Variants in MARCHF1 observed in about 807,000 individuals in gnomAD.
MARCHF1 encodes E3 ubiquitin-protein ligase MARCHF1.
Under a neutral mutation model 54.2 loss-of-function variants are expected in MARCHF1, and 40 were observed. That is an observed-to-expected ratio of 0.74 (90% CI 0.57 to 0.96). The LOEUF is 0.96. MARCHF1 is among the 40% of genes least tolerant of loss of function. The pLI is 0.00. For synonymous variants in MARCHF1, 236 were observed against 236.3 expected, an observed-to-expected ratio of 1.00 and a Z score of 0.01; for missense variants, 586 against 656.5, an observed-to-expected ratio of 0.89 and a Z score of 1.17.
chr4:163,867,495 T>C (rs776925612), intron 3 of MARCHF1, among the ~76,000 whole-genome samples: 30 of 151,562 alleles, frequency 2.0e-4, no homozygotes, highest in Non-Finnish European at 3.0e-5. Context: ...AATAAACTTA[T>C]TATATATAAT....
chr4:163,544,562 C>T (rs1204956322), intron 9 of MARCHF1, among the ~76,000 whole-genome samples: 1 of 152,144 alleles, frequency 6.6e-6, no homozygotes, highest in African/African-American at 2.4e-5. Context: ...GGGCGGTGCA[C>T]GCTGGCGTGT....
intron 3 of MARCHF1, among the ~76,000 whole-genome samples, chr4:163,889,241 A>T (rs1750602852): frequency 6.6e-6 from 1 of 152,192 alleles, no homozygotes; most frequent in South Asian, 2.1e-4. Flanking sequence ...TACTTTGTTA[A>T]GTATCAGACC....
chr4:163,697,754 A>G (rs1042037463), intron 5 of MARCHF1, among the ~76,000 whole-genome samples: 1 of 152,228 alleles, frequency 6.6e-6, no homozygotes, highest in African/African-American at 2.4e-5. Flanking sequence ...TATTACTGAC[A>G]TAAGACAATT....
intron 1 of MARCHF1, among the ~76,000 whole-genome samples, chr4:164,225,119 C>T (rs929251660): frequency 6.6e-6 from 1 of 152,010 alleles, no homozygotes; most frequent in African/African-American, 2.4e-5. Context: ...TCACAATCTA[C>T]TCTGGACCAG....
chr4:163,693,122 A>G (rs2111207044), intron 5 of MARCHF1, among the ~76,000 whole-genome samples: 1 of 151,502 alleles, frequency 6.6e-6, no homozygotes, highest in East Asian at 2.0e-4. Flanking sequence ...ATCATCAGGT[A>G]TAATGAGGTC....
At chr4:163,725,126 C>T (rs1377904210) in intron 4 of MARCHF1, among the ~76,000 whole-genome samples, 4 of 152,112 alleles carry the variant, frequency 2.6e-5, no homozygotes, top group South Asian at 2.1e-4. Context: ...TGGAGCTGTT[C>T]GTATTCAGCC....
chr4:163,695,125 A>G (rs1210849166), intron 5 of MARCHF1, among the ~76,000 whole-genome samples: 1 of 152,174 alleles, frequency 6.6e-6, no homozygotes, highest in East Asian at 1.9e-4. Context: ...TCAGAACATT[A>G]AACACCTGTT....
At chr4:164,024,573 A>C (rs779285149) in intron 2 of MARCHF1, among the ~76,000 whole-genome samples, 53 of 152,238 alleles carry the variant, frequency 3.5e-4, no homozygotes, top group Non-Finnish European at 3.8e-4. Context: ...AAGCTTTAAA[A>C]GAGGTCCTTA....
intron 2 of MARCHF1, among the ~76,000 whole-genome samples, chr4:164,013,556 A>C (rs1753471679): frequency 6.6e-6 from 1 of 152,114 alleles, no homozygotes; most frequent in Non-Finnish European, 1.5e-5. Flanking sequence ...AAATCCAATA[A>C]ATTTAACCCA....
chr4:163,948,964 T>C (rs141980488), intron 3 of MARCHF1, among the ~76,000 whole-genome samples: 5 of 152,322 alleles, frequency 3.3e-5, no homozygotes, highest in African/African-American at 1.2e-4. Context: ...ATCTGACCCA[T>C]AGTACTGTCA....
intron 3 of MARCHF1, among the ~76,000 whole-genome samples, chr4:163,909,028 A>G (rs1429863800): frequency 6.6e-6 from 1 of 152,204 alleles, no homozygotes; most frequent in Admixed American, 6.5e-5. Flanking sequence ...AAGAAAATCA[A>G]TAACACAACT....
chr4:164,154,285 A>G (rs1299326416), intron 1 of MARCHF1, among the ~76,000 whole-genome samples: 1 of 152,214 alleles, frequency 6.6e-6, no homozygotes, highest in Non-Finnish European at 1.5e-5. Context: ...GAAAATACCT[A>G]AGGTAGAATT....
chr4:164,147,753 C>T (rs1729799252), intron 1 of MARCHF1, among the ~76,000 whole-genome samples: 2 of 146,320 alleles, frequency 1.4e-5, no homozygotes, highest in Admixed American at 1.4e-4. Context: ...AGCGCACCAG[C>T]ATGGCACATG....
chr4:163,884,029 A>G (rs942420977), intron 3 of MARCHF1, among the ~76,000 whole-genome samples: 1 of 152,128 alleles, frequency 6.6e-6, no homozygotes, highest in Non-Finnish European at 1.5e-5. Flanking sequence ...AGCTCCTCAT[A>G]TGGTGTAAGA....
chr4:164,187,292 G>A (rs891696400), intron 1 of MARCHF1, among the ~76,000 whole-genome samples: 1 of 152,156 alleles, frequency 6.6e-6, no homozygotes, highest in Non-Finnish European at 1.5e-5. Flanking sequence ...ATGTTCCAGG[G>A]TGATAGAGAA....
chr4:164,179,090 T>G (rs1730764378), intron 1 of MARCHF1, among the ~76,000 whole-genome samples: 2 of 152,334 alleles, frequency 1.3e-5, no homozygotes, highest in South Asian at 4.1e-4. Context: ...CTCCTCATAC[T>G]GTTGCTGACA....
At chr4:163,742,893 A>G (rs1279773553) in intron 4 of MARCHF1, among the ~76,000 whole-genome samples, 1 of 152,172 alleles carries the variant, frequency 6.6e-6, no homozygotes, top group African/African-American at 2.4e-5. Context: ...TAATTAAAGA[A>G]TATGTAGATG....
chr4:163,733,350 A>G (rs1469120529), intron 4 of MARCHF1, among the ~76,000 whole-genome samples: 2 of 140,176 alleles, frequency 1.4e-5, no homozygotes, highest in Non-Finnish European at 3.0e-5. Flanking sequence ...AAATAATGCG[A>G]GATGGAAATC....
At chr4:163,670,372 A>ATCTG (rs1554003169) in intron 5 of MARCHF1, among the ~76,000 whole-genome samples, 5 of 128,232 alleles carry the variant, frequency 3.9e-5, no homozygotes, top group Admixed American at 1.6e-4. Context: ...CTATCTATCT[A>ATCTG]TCTATCTATC....
Sources: gnomAD v4.1 joint callset for allele counts (sites outside exome capture counted in the v4.1 genomes callset) on GRCh38, gnomAD v4.1.1 for gene constraint, MANE v1.5 for transcripts, NCBI Gene and HGNC (gene_info 2026-07-23, HGNC 2026-07-21) for gene names.